The following JAK1 variants were observed in gnomAD, a reference collection of about 807,000 sequenced individuals.
The protein encoded by JAK1 is tyrosine-protein kinase JAK1.
JAK1 carries 16 observed loss-of-function variants against 136.6 expected under a neutral mutation model. That is an observed-to-expected ratio of 0.12 (90% confidence interval 0.08 to 0.18). The LOEUF (loss-of-function observed/expected upper bound fraction) is 0.18. Among genes scored for constraint, JAK1 ranks in the 10% least tolerant of loss-of-function variants. The probability of loss-of-function intolerance (pLI) is 1.00; values close to 1 mark genes in which losing one functional copy is unlikely to be tolerated. For missense variants in JAK1, 859 were observed against 1,450.1 expected (o/e 0.59, Z 6.62); for synonymous variants, 492 against 519.5 (o/e 0.95, Z 0.72).
chr1:65,007,269 T>C (rs1017886026), intron 2 of JAK1, among the ~76,000 whole-genome samples: 3 of 152,156 alleles, frequency 2.0e-5, no homozygotes, highest in Admixed American at 6.5e-5. Context: ...TGGAGAAATA[T>C]CCAGACTTGG....
intron 1 of JAK1, among the ~76,000 whole-genome samples, chr1:64,908,326 T>C (rs181790498): frequency 1.1e-4 from 16 of 152,272 alleles, no homozygotes; most frequent in African/African-American, 3.6e-4. Flanking sequence ...TCTATTCAGC[T>C]CTATCCTTAT....
chr1:64,928,785 A>AAAAAAAAAAAAAAAAAAAAAAAAC (rs1645630107), intron 1 of JAK1, among the ~76,000 whole-genome samples: 1 of 121,004 alleles, frequency 8.3e-6, no homozygotes, highest in Non-Finnish European at 1.5e-5. Context: ...CTGCAAAAAA[A>AAAAAAAAAAAAAAAAAAAAAAAAC]AAAAAAAAAA....
rs1266736526 is a variant in JAK1 at position 64,989,868 on chromosome 1, C to G, written c.-78+54612G>C. 2.0e-5 allele frequency: 3 copies of G among 152,240 alleles called. No individual in the cohort carries two copies. In the East Asian group the frequency reaches 5.8e-4, roughly 29 times the overall value. The allele number at this position is 152,240 out of a possible 1,614,324, so 9.4% of individuals were successfully genotyped here. A position where few individuals can be genotyped will look rare whatever the true frequency, so the allele number is the denominator to read the frequency against. ...TTAAAAACTTCAGGTTTCATCACAG[C>G]TGATTCCTAAGCTCAGTGAAAGCCT... On this transcript the variant is annotated intron_variant, in intron 2 of 25. Transcript: ENST00000671954.
At chr1:64,845,717 A>C (rs1655189505) in intron 14 of JAK1, 77 bp from the exon 15 acceptor site, 3 of 1,545,906 alleles carry the variant, frequency 1.9e-6, no homozygotes, top group Non-Finnish European at 2.7e-6. Context: ...ACGACAGTCC[A>C]CTTCAGTGGA....
At chr1:64,929,980 T>C (rs1645659702) in intron 1 of JAK1, among the ~76,000 whole-genome samples, 1 of 152,224 alleles carries the variant, frequency 6.6e-6, no homozygotes, top group Non-Finnish European at 1.5e-5. Flanking sequence ...GCTAGCCATA[T>C]GCAGAAAACT....
At chr1:64,917,676 T>C (rs957261800) in intron 1 of JAK1, among the ~76,000 whole-genome samples, 53 of 152,214 alleles carry the variant, frequency 3.5e-4, no homozygotes, top group African/African-American at 1.1e-3. Flanking sequence ...TCCCCTGCTG[T>C]GTCCTGCTGC....
At chr1:64,903,989 C>T (rs1220261951) in intron 1 of JAK1, among the ~76,000 whole-genome samples, 1 of 152,234 alleles carries the variant, frequency 6.6e-6, no homozygotes. Context: ...ATTCTCTCTG[C>T]AGCCTCAAGA....
intron 1 of JAK1, among the ~76,000 whole-genome samples, chr1:64,923,022 G>T (rs2100383711): frequency 6.6e-6 from 1 of 152,286 alleles, no homozygotes; most frequent in Non-Finnish European, 1.5e-5. Flanking sequence ...AGTAAATTTG[G>T]AATACAAGCC....
intron 1 of JAK1, among the ~76,000 whole-genome samples, chr1:64,963,875 T>C (rs6665300): frequency 0.049 from 7,501 of 152,218 alleles, 398 homozygotes; most frequent in East Asian, 0.26. Flanking sequence ...TCTTGTGCGT[T>C]ATAGGATGTT....
chr1:64,860,288 G>A (rs757622356), intron 8 of JAK1, 26 bp from the exon 9 acceptor site: 4 of 1,578,634 alleles, frequency 2.5e-6, no homozygotes, highest in Non-Finnish European at 3.5e-6. Context: ...AAATTCCCAC[G>A]GTTACATCAT....
At chr1:64,854,458 G>A (rs992767254) in intron 11 of JAK1, among the ~76,000 whole-genome samples, 5 of 152,058 alleles carry the variant, frequency 3.3e-5, no homozygotes, top group African/African-American at 9.7e-5. Context: ...CAAGAGCTAG[G>A]GCACTCAGGT....
chr1:64,865,112 G>A (rs1369528790), intron 7 of JAK1, 140 bp from the exon 8 acceptor site: 7 of 655,530 alleles, frequency 1.1e-5, no homozygotes, highest in Non-Finnish European at 1.3e-5. Flanking sequence ...GCAGGATTGG[G>A]GGAGTTGGCA....
chr1:64,864,847 G>T lies in JAK1; in HGVS notation c.1116C>A (p.Ile372=). The T allele has an allele frequency of 6.2e-7, 1 of 1,613,864 alleles. No homozygotes were observed. Among genetic ancestry groups the T allele is most frequent in the Non-Finnish European group, 8.5e-7 (1 of 1,179,796 alleles). ...CAGACTCCTTTATTACAATGTGAGT[G>T]ATTTCAGGGAAGTAAGAAAAATTGT... ...EWNNFSYFPE[I]THIVIKESVV... Residue 372 remains isoleucine, a synonymous_variant, in exon 8 of 25, where the codon ATC becomes ATA. Transcript: ENST00000342505.
chr1:64,983,313 C>T (rs1646567146), intron 2 of JAK1, among the ~76,000 whole-genome samples: 1 of 152,144 alleles, frequency 6.6e-6, no homozygotes, highest in Non-Finnish European at 1.5e-5. Context: ...CCCCTAAGGG[C>T]ACTCGGCACA....
In JAK1 at chr1:64,834,054, C is replaced by A. The variant is rs1278745156; in HGVS notation, c.*508G>T. 2 of 232,806 alleles carry A rather than the reference C, an allele frequency of 8.6e-6. No homozygotes were observed. The highest frequency in any genetic ancestry group is 4.4e-5 in the African/African-American group (2 of 45,302). 14.4% of individuals were successfully genotyped at this position (232,806 alleles called of 1,614,324 possible). On this transcript the variant is annotated 3_prime_UTR_variant, in exon 25 of 25. Coordinates refer to ENST00000342505, the MANE Select transcript of JAK1 (RefSeq NM_002227.4). ...AGAAACAATATATACTACCTGGTAT[C>A]TAATATTTTAAGAATGCATGGTCTA...
In JAK1 at chr1:64,869,316, G is replaced by A; in HGVS notation, c.642C>T (p.Asp214=). 6.2e-7 allele frequency: 1 copy of A among 1,613,660 alleles called. No homozygotes were observed. Among genetic ancestry groups the A allele is most frequent in the African/African-American group, 1.3e-5 (1 of 75,014 alleles). ...CAGCCAGTGGGAAGCTTTACCTGAT[G>A]TCCTTGGGCAGTTCTGGCAACTGCA... The part of the protein sequence containing the change: ...KKMQLPELPK[D]ISYKRYIPET... The change falls in exon 6 of 25, where the codon GAC becomes GAT. Residue 214 remains aspartate (D), a synonymous_variant. Coordinates refer to ENST00000342505, the MANE Select transcript of JAK1 (RefSeq NM_002227.4).
chr1:64,863,347 C>T lies in JAK1; in HGVS notation c.1176+1440G>A, dbSNP rs1225613092. On this transcript the variant is annotated intron_variant, in intron 8 of 24. Coordinates refer to ENST00000342505, the MANE Select transcript of JAK1 (RefSeq NM_002227.4). Reference sequence around the variant, plus strand: ...AATATCCAGGATGCAGCATATGACACGGGGCCTAATATCCAGGATGCAGCA... The same window carrying T: ...AATATCCAGGATGCAGCATATGACATGGGGCCTAATATCCAGGATGCAGCA... Among the ~76,000 whole-genome samples the T allele has an allele frequency of 6.0e-5, 9 of 149,644 alleles. No individual in the cohort carries two copies. The South Asian group carries it at 6.5e-4, about 11-fold the overall frequency.
intron 2 of JAK1, among the ~76,000 whole-genome samples, chr1:65,014,437 T>C (rs1032923075): frequency 3.8e-5 from 5 of 133,192 alleles, no homozygotes; most frequent in African/African-American, 1.4e-4. Context: ...AAAGAGAGAA[T>C]GGGAGGGAGG....
At chr1:64,948,823 C>T (rs146328992) in intron 1 of JAK1, among the ~76,000 whole-genome samples, 57 of 152,314 alleles carry the variant, frequency 3.7e-4, no homozygotes, top group African/African-American at 1.2e-3. Context: ...CCTCACATCT[C>T]CAGAGTAAAT....
Sources: allele counts gnomAD v4.1 joint callset (sites outside exome capture counted in the v4.1 genomes callset), GRCh38; gene constraint gnomAD v4.1.1; transcripts MANE v1.5; gene names NCBI Gene and HGNC (gene_info 2026-07-23, HGNC 2026-07-21).